The following USP34 variants were observed in gnomAD, a reference collection of about 807,000 sequenced individuals.
USP34 encodes ubiquitin specific peptidase 34.
USP34 carries 70 observed loss-of-function variants against 460.3 expected under a neutral mutation model. The observed-to-expected ratio is 0.15, with a 90% confidence interval of 0.13 to 0.19. The LOEUF is 0.19. Among genes scored for constraint, USP34 ranks in the 10% least tolerant of loss-of-function variants. The pLI, the probability that USP34 is intolerant of heterozygous loss-of-function variation, is 1.00. For synonymous variants in USP34, 1,647 were observed against 1,405.3 expected (o/e 1.17, Z -3.85); for missense variants, 3,985 against 4,236.2 (o/e 0.94, Z 1.65).
At chr2:61,367,305 C>T (rs576820605) in intron 10 of USP34, among the ~76,000 whole-genome samples, 35 of 150,914 alleles carry the variant, frequency 2.3e-4, no homozygotes, top group African/African-American at 7.3e-4. Context: ...AGCACGAGTG[C>T]GCGCGCACAC....
At chr2:61,445,295 G>T (rs1334026294) in intron 1 of USP34, among the ~76,000 whole-genome samples, 1 of 150,864 alleles carries the variant, frequency 6.6e-6, no homozygotes, top group Non-Finnish European at 1.5e-5. Context: ...CAGCACTTTG[G>T]GAGGCCGAGG....
intron 41 of USP34, 108 bp from the exon 42 acceptor site, chr2:61,266,275 G>C: frequency 2.8e-6 from 3 of 1,058,764 alleles, no homozygotes; most frequent in Non-Finnish European, 4.0e-6. Context: ...ACTCAAAAAC[G>C]TATAGCAGCA....
chr2:61,238,888 T>G (rs2103851763), intron 53 of USP34, among the ~76,000 whole-genome samples: 1 of 152,178 alleles, frequency 6.6e-6, no homozygotes, highest in East Asian at 1.9e-4. Flanking sequence ...ATTGGCACCA[T>G]TTTTCTAATA....
rs1349103012 is a variant in USP34 at position 61,339,461 on chromosome 2, T to A, written c.2634A>T (p.Gly878=). ...QDEDAVNLSE[G]LINEAEKLLC... The stretch of plus-strand genomic sequence containing the variant: ...GAAGTTTCTCTGCTTCATTTATTAA[T>A]CCTTCAGAAAGATTAACCTATAAAA... The change falls in exon 18 of 80, where the codon GGA becomes GGT. Residue 878 remains glycine (G), a synonymous_variant. Coordinates refer to ENST00000398571, the MANE Select transcript of USP34 (RefSeq NM_014709.4). 6 of 1,592,254 alleles carry A rather than the reference T, an allele frequency of 3.8e-6. No homozygotes were observed. Among genetic ancestry groups the A allele is most frequent in the Admixed American group, 1.7e-5 (1 of 57,182 alleles).
At chr2:61,428,175 A>C (rs1021079715) in intron 1 of USP34, among the ~76,000 whole-genome samples, 26 of 151,958 alleles carry the variant, frequency 1.7e-4, no homozygotes, top group African/African-American at 5.8e-4. Context: ...CAAAAAAAAA[A>C]AAAAAACTTC....
chr2:61,364,797 G>A (rs989643776), intron 10 of USP34, among the ~76,000 whole-genome samples: 2 of 151,876 alleles, frequency 1.3e-5, no homozygotes, highest in Non-Finnish European at 2.9e-5. Flanking sequence ...ATGTGGTGGT[G>A]CGCACGTCTG....
rs543948950 is a variant in USP34, at chr2:61,470,011, C to T, written c.43+639G>A. On this transcript the variant is annotated intron_variant, in intron 1 of 79. Coordinates refer to ENST00000398571, the MANE Select transcript of USP34 (RefSeq NM_014709.4). ...ACAGTGCTCTGCTTAACAGAATGTA[C>T]CATTAAAGCGGTGAATGCTACACTA... Among the ~76,000 whole-genome samples, 7 of 152,264 alleles carry T rather than the reference C, an allele frequency of 4.6e-5. No homozygotes were observed. In the South Asian group the frequency reaches 1.2e-3, roughly 27 times the overall value.
At chr2:61,393,544 G>C (rs1187026297) in intron 5 of USP34, among the ~76,000 whole-genome samples, 10 of 151,766 alleles carry the variant, frequency 6.6e-5, no homozygotes, top group Non-Finnish European at 1.5e-4. Flanking sequence ...GACCTTGATA[G>C]TAATCATTTA....
At chr2:61,267,117 G>T in intron 41 of USP34, among the ~76,000 whole-genome samples, 1 of 152,154 alleles carries the variant, frequency 6.6e-6, no homozygotes, top group East Asian at 1.9e-4. Context: ...AACTCCAATG[G>T]AAGACAACCC....
Position 61,245,183 on chromosome 2 carries a change from CATTTATAATTTCT to C in USP34, c.6627+14_6627+26del, listed in dbSNP as rs764400006. 54 of 1,577,462 alleles carry C rather than the reference CATTTATAATTTCT, an allele frequency of 3.4e-5. No homozygotes were observed. In the African/African-American group the frequency reaches 6.6e-4, roughly 19 times the overall value. ...ACAAAGCACTTGGAAGGACACAAAC[CATTTATAATTTCT>C]GAATAAAACTTACCGTCATCTCTCC... On this transcript the variant is annotated intron_variant, in intron 51 of 79. Transcript: ENST00000398571.
At chr2:61,349,844 A>AAACAACAACAAC (rs143680445) in intron 12 of USP34, among the ~76,000 whole-genome samples, 1 of 148,834 alleles carries the variant, frequency 6.7e-6, no homozygotes, top group African/African-American at 2.5e-5. Flanking sequence ...CCGTCTCAAA[A>AAACAACAACAAC]AACAACAACA....
At chr2:61,326,065 C>T (rs530489918) in intron 20 of USP34, among the ~76,000 whole-genome samples, 24 of 152,098 alleles carry the variant, frequency 1.6e-4, no homozygotes, top group Admixed American at 1.3e-3. Context: ...CTGAATAGAT[C>T]AACAAGAGAC....
At chr2:61,437,818 A>C (rs138210868) in intron 1 of USP34, among the ~76,000 whole-genome samples, 1 of 76,272 alleles carries the variant, frequency 1.3e-5, no homozygotes, top group Non-Finnish European at 3.0e-5. Flanking sequence ...AATAAATAAA[A>C]AACCTGAACA....
chr2:61,406,610 A>C (rs1420340302), intron 2 of USP34, among the ~76,000 whole-genome samples: 1 of 151,692 alleles, frequency 6.6e-6, no homozygotes, highest in African/African-American at 2.4e-5. Context: ...CTATCTGGCA[A>C]ATCAAAAGTG....
In USP34 at chr2:61,326,225, G is replaced by C. The variant is rs146945624; in HGVS notation, c.2931-768C>G. Among the ~76,000 whole-genome samples, 424 of 152,080 alleles carry C rather than the reference G, an allele frequency of 2.8e-3. 1 individual carries two copies. The highest frequency in any genetic ancestry group is 9.5e-3 in the African/African-American group (393 of 41,482). ...AAATTTGTGTATTTGGGGCTGGAAGGGGGGCAGAGTCTCACTCTGTTGTCT... is the reference window on the plus strand; with the variant it reads ...AAATTTGTGTATTTGGGGCTGGAAGCGGGGCAGAGTCTCACTCTGTTGTCT... On this transcript the variant is annotated intron_variant, in intron 20 of 79. Coordinates refer to ENST00000398571, the MANE Select transcript of USP34 (RefSeq NM_014709.4).
intron 23 of USP34, among the ~76,000 whole-genome samples, chr2:61,317,437 G>T (rs1029168144): frequency 2.6e-5 from 4 of 152,142 alleles, no homozygotes; most frequent in Non-Finnish European, 5.9e-5. Context: ...TGAGGCTAGA[G>T]AATCTCTTGA....
chr2:61,374,191 G>C (rs1248357981), intron 8 of USP34, among the ~76,000 whole-genome samples: 1 of 150,288 alleles, frequency 6.7e-6, no homozygotes, highest in Non-Finnish European at 1.5e-5. Flanking sequence ...GAGAAAATGA[G>C]GTTCAGAAGT....
chr2:61,335,394 T>C (rs928698507), intron 18 of USP34, among the ~76,000 whole-genome samples: 2 of 152,166 alleles, frequency 1.3e-5, no homozygotes, highest in African/African-American at 2.4e-5. Flanking sequence ...AAATTTCAAA[T>C]ACCAAAACAC....
At chr2:61,201,211 GTTTTTTTTTT>G (rs59199472) in intron 75 of USP34, among the ~76,000 whole-genome samples, 5 of 101,382 alleles carry the variant, frequency 4.9e-5, no homozygotes, top group South Asian at 3.8e-4. Flanking sequence ...CTCATAGAAA[GTTTTTTTTTT>G]TTTTTTTTTT....
Sources: allele counts gnomAD v4.1 joint callset (sites outside exome capture counted in the v4.1 genomes callset), GRCh38; gene constraint gnomAD v4.1.1; transcripts MANE v1.5; gene names NCBI Gene and HGNC (gene_info 2026-07-23, HGNC 2026-07-21).